Variants in IFT43 observed in about 807,000 individuals in gnomAD.
The protein encoded by IFT43 is intraflagellar transport protein 43 homolog.
IFT43 carries 33 observed loss-of-function variants against 32.3 expected under a neutral mutation model. The ratio of observed to expected loss-of-function variants is 1.02; its 90% CI spans 0.77 to 1.37. The LOEUF (loss-of-function observed/expected upper bound fraction) is 1.37. Ranked by LOEUF, IFT43 falls within the 40% of genes most tolerant of loss-of-function variation. The probability of loss-of-function intolerance (pLI) is 0.00; values close to 1 mark genes in which losing one functional copy is unlikely to be tolerated. For synonymous variants in IFT43, 93 were observed against 98.2 expected, an observed-to-expected ratio of 0.95 and a Z score of 0.31; for missense variants, 274 against 265.9, an observed-to-expected ratio of 1.03 and a Z score of -0.21.
chr14:76,034,134 T>C (rs948014819), intron 3 of IFT43, among the ~76,000 whole-genome samples: 1 of 152,184 alleles, frequency 6.6e-6, no homozygotes, highest in African/African-American at 2.4e-5. Flanking sequence ...GCTAGATACT[T>C]GTCTTAATTT....
At chr14:76,042,967 A>G (rs1177849072) in intron 3 of IFT43, among the ~76,000 whole-genome samples, 1 of 152,164 alleles carries the variant, frequency 6.6e-6, no homozygotes, top group African/African-American at 2.4e-5. Flanking sequence ...CTTTTCCCCA[A>G]GTGTCATTAG....
chr14:76,037,476 G>T (rs963764225), intron 3 of IFT43, among the ~76,000 whole-genome samples: 3 of 152,154 alleles, frequency 2.0e-5, no homozygotes, highest in African/African-American at 7.2e-5. Context: ...TTTATTAACA[G>T]AAATTCTTCT....
At chr14:75,991,359 TTATATA>T (rs370792084) in intron 2 of IFT43, among the ~76,000 whole-genome samples, 7 of 141,618 alleles carry the variant, frequency 4.9e-5, no homozygotes, top group Admixed American at 1.4e-4. Flanking sequence ...AGAGTATATA[TTATATA>T]TATATATATA....
At chr14:76,018,005 T>G (rs949312265) in intron 2 of IFT43, among the ~76,000 whole-genome samples, 1 of 152,096 alleles carries the variant, frequency 6.6e-6, no homozygotes, top group Admixed American at 6.5e-5. Context: ...AACTATCTTT[T>G]GTTTCATTGA....
chr14:76,017,593 C>G (rs974293138), intron 2 of IFT43, among the ~76,000 whole-genome samples: 3 of 152,024 alleles, frequency 2.0e-5, no homozygotes, highest in African/African-American at 7.2e-5. Context: ...AGAATTTCCT[C>G]CCATTCAATT....
At chr14:75,999,267 ATATATGTATATATATT>A (rs1362443315) in intron 2 of IFT43, among the ~76,000 whole-genome samples, 16 of 24,484 alleles carry the variant, frequency 6.5e-4, no homozygotes, top group African/African-American at 1.3e-3. Flanking sequence ...ATATATATAT[ATATATGTATATATATT>A]TTTTTTTTTT....
intron 3 of IFT43, among the ~76,000 whole-genome samples, chr14:76,047,095 G>A (rs1339397957): frequency 6.6e-6 from 1 of 152,222 alleles, no homozygotes; most frequent in African/African-American, 2.4e-5. Context: ...TGAGGGTGGA[G>A]TCCTCATGGC....
At chr14:75,991,341 TAAC>T (rs2035634595) in intron 2 of IFT43, among the ~76,000 whole-genome samples, 1 of 147,582 alleles carries the variant, frequency 6.8e-6, no homozygotes, top group Admixed American at 6.7e-5. Flanking sequence ...AATATATAAT[TAAC>T]AATAAGAGTA....
At chr14:76,073,543 C>G (rs1309605724) in intron 5 of IFT43, among the ~76,000 whole-genome samples, 3 of 152,282 alleles carry the variant, frequency 2.0e-5, no homozygotes, top group Non-Finnish European at 2.9e-5. Context: ...GTGCTTTAGG[C>G]TCTACCAGCT....
Position 75,988,960 on chromosome 14 carries a change from T to C in IFT43, c.130T>C (p.Leu44=). Residue 44 remains leucine, a synonymous_variant, in exon 2 of 9, where the codon TTG becomes CTG. Coordinates refer to ENST00000314067, the MANE Select transcript of IFT43 (RefSeq NM_001102564.3). ...TCACCTCAATGGCAAGAATTCCTCT[T>C]TGACTCTGACTGGAGAGGTGGGTGC... ...ENHLNGKNSS[L]TLTGETSSAK... 6.2e-7 allele frequency: 1 copy of C among 1,613,984 alleles called. No individual in the cohort carries two copies. Among genetic ancestry groups the C allele is most frequent in the Non-Finnish European group, 8.5e-7 (1 of 1,180,004 alleles).
intron 2 of IFT43, among the ~76,000 whole-genome samples, chr14:76,015,809 T>C (rs1028682693): frequency 2.6e-4 from 39 of 152,248 alleles, no homozygotes; most frequent in Admixed American, 1.3e-4. Flanking sequence ...GGGAATGCTA[T>C]TAACCATTTG....
At chr14:76,069,447 C>T (rs1024999911) in intron 5 of IFT43, among the ~76,000 whole-genome samples, 1 of 152,106 alleles carries the variant, frequency 6.6e-6, no homozygotes, top group Non-Finnish European at 1.5e-5. Flanking sequence ...AGTTATGTCC[C>T]CTCTCTAACC....
chr14:76,053,297 G>C (rs1329163266), intron 3 of IFT43, among the ~76,000 whole-genome samples: 2 of 152,084 alleles, frequency 1.3e-5, no homozygotes, highest in Admixed American at 1.3e-4. Context: ...CAGCACAAAG[G>C]AAGGGTGGGC....
intron 2 of IFT43, among the ~76,000 whole-genome samples, chr14:75,993,353 G>A (rs1285679862): frequency 6.6e-6 from 1 of 152,190 alleles, no homozygotes; most frequent in Non-Finnish European, 1.5e-5. Flanking sequence ...TGAGAATGCT[G>A]GGTTGACATT....
chr14:76,036,476 G>A (rs1219066316), intron 3 of IFT43, among the ~76,000 whole-genome samples: 1 of 147,980 alleles, frequency 6.8e-6, no homozygotes, highest in African/African-American at 2.5e-5. Flanking sequence ...TGTGATCTCG[G>A]CTCACTGAGT....
chr14:76,059,339 AC>A lies in IFT43; in HGVS notation c.263del (p.Pro88HisfsTer4). ...TTTTTGGGGGCAGTTTCCGCCTCAG[AC>A]CACAGAGCCTGAATGGATCAGATTA... ...SEEIEDFRLR[P>X]QSLNGSDYGG... is the part of the protein sequence containing the mutation. On this transcript the variant is annotated frameshift_variant, in exon 5 of 9. Coordinates refer to ENST00000314067, the MANE Select transcript of IFT43 (RefSeq NM_001102564.3). LOFTEE classifies it high-confidence loss of function. 1 of 1,614,096 alleles carries A rather than the reference AC, an allele frequency of 6.2e-7. No individual in the cohort carries two copies. The highest frequency in any genetic ancestry group is 8.5e-7 in the Non-Finnish European group (1 of 1,179,944).
intron 2 of IFT43, among the ~76,000 whole-genome samples, chr14:75,990,143 C>A (rs1414447989): frequency 2.0e-5 from 3 of 152,190 alleles, no homozygotes; most frequent in Admixed American, 2.0e-4. Flanking sequence ...AGGCCACATG[C>A]CCCCTCTAAA....
At position 75,991,421 on chromosome 14, in the gene IFT43, GTGTGTA is replaced by G. The variant is rs541400937; in HGVS notation, c.147+2448_147+2453del. ...TGTGTGTGTGTGTGTGTGTGTGTGT[GTGTGTA>G]TGTATGTATATATATTTTAAAGTCT... On this transcript the variant is annotated intron_variant, in intron 2 of 8. Coordinates refer to ENST00000314067, the MANE Select transcript of IFT43 (RefSeq NM_001102564.3). Among the ~76,000 whole-genome samples the G allele has an allele frequency of 2.4e-4, 34 of 140,770 alleles. No homozygotes were observed. In the South Asian group the frequency reaches 5.5e-3, roughly 23 times the overall value. The allele number at this position is 140,770 out of a possible 152,430, so 92.4% of individuals were successfully genotyped here.
rs372756303 is a variant in IFT43, at chr14:76,077,153, A to G, written c.296-5142A>G. 3.3e-5 allele frequency among the ~76,000 whole-genome samples: 5 copies of G among 152,122 alleles called. No individual in the cohort carries two copies. In the South Asian group the frequency reaches 1.0e-3, roughly 32 times the overall value. On this transcript the variant is annotated intron_variant, in intron 5 of 8. Coordinates refer to ENST00000314067, the MANE Select transcript of IFT43 (RefSeq NM_001102564.3). ...AAGCCAGATGGGCCATACTGGACCA[A>G]GTTTGAATGACTCTTCCTCTGAAAC...
Sources: allele counts gnomAD v4.1 joint callset (sites outside exome capture counted in the v4.1 genomes callset), GRCh38; gene constraint gnomAD v4.1.1; transcripts MANE v1.5; gene names NCBI Gene and HGNC (gene_info 2026-07-23, HGNC 2026-07-21).